Variants in MAEL observed in about 807,000 individuals in gnomAD.
MAEL encodes protein maelstrom homolog.
In MAEL, 46 loss-of-function variants were observed where a neutral mutation model predicts 62.0. That is an observed-to-expected ratio of 0.74 (90% CI 0.59 to 0.95). MAEL has a LOEUF of 0.95. Among genes scored for constraint, MAEL ranks in the 40% least tolerant of loss-of-function variants. The pLI is 0.00. For missense variants in MAEL, 497 were observed against 526.8 expected, an observed-to-expected ratio of 0.94 and a Z score of 0.55; for synonymous variants, 172 against 175.5, an observed-to-expected ratio of 0.98 and a Z score of 0.16.
chr1:167,008,807 TCTTTAAAA>T (rs1361372879), intron 8 of MAEL, among the ~76,000 whole-genome samples: 2 of 152,150 alleles, frequency 1.3e-5, no homozygotes, highest in Non-Finnish European at 2.9e-5. Context: ...AGCCACCATC[TCTTTAAAA>T]CAAGGCTTTT....
intron 3 of MAEL, 147 bp from the exon 4 acceptor site, chr1:166,992,539 G>A (rs1175471502): frequency 9.0e-6 from 5 of 555,768 alleles, no homozygotes. Context: ...CGGCTGATTG[G>A]TTTTCTCTTT....
intron 5 of MAEL, among the ~76,000 whole-genome samples, chr1:167,000,199 C>T (rs1168565942): frequency 6.6e-6 from 1 of 152,060 alleles, no homozygotes; most frequent in African/African-American, 2.4e-5. Context: ...TGAATCTAAG[C>T]AAAGTAAATG....
chr1:166,994,879 A>G (rs1419654453), intron 5 of MAEL, among the ~76,000 whole-genome samples: 1 of 151,712 alleles, frequency 6.6e-6, no homozygotes, highest in Non-Finnish European at 1.5e-5. Flanking sequence ...GATGTTGGCC[A>G]GGATGGTCTC....
At position 167,021,065 on chromosome 1, in the gene MAEL, T is replaced by C. The variant is rs756343980; in HGVS notation, c.1042-20T>C. The C allele has an allele frequency of 5.8e-6, 9 of 1,563,062 alleles. No homozygotes were observed. In the Admixed American group the frequency reaches 6.7e-5, roughly 12 times the overall value. On this transcript the variant is annotated intron_variant, in intron 10 of 11. Transcript: ENST00000367872. Reference sequence around the variant, plus strand: ...AAGAAATAAACATTTTTCCCCCTGGTATTTTCCTGTTACTTACAGAAGCTA... The same window carrying C: ...AAGAAATAAACATTTTTCCCCCTGGCATTTTCCTGTTACTTACAGAAGCTA...
chr1:167,005,641 A>G (rs942761066), intron 8 of MAEL: 7 of 296,520 alleles, frequency 2.4e-5, no homozygotes, highest in Non-Finnish European at 4.3e-5. Context: ...ATGAGAGAAT[A>G]TCCCTAAATT....
At chr1:167,003,415 G>A (rs1235200738) in intron 5 of MAEL, among the ~76,000 whole-genome samples, 2 of 152,150 alleles carry the variant, frequency 1.3e-5, no homozygotes, top group Non-Finnish European at 2.9e-5. Flanking sequence ...GTACCTGATT[G>A]TTCATGGAGT....
At chr1:167,002,585 A>G (rs929455415) in intron 5 of MAEL, among the ~76,000 whole-genome samples, 2 of 152,194 alleles carry the variant, frequency 1.3e-5, no homozygotes, top group African/African-American at 2.4e-5. Flanking sequence ...AGTCACTAGC[A>G]TCTCAGATTA....
chr1:167,006,835 C>T (rs1472325066), intron 8 of MAEL, among the ~76,000 whole-genome samples: 2 of 151,462 alleles, frequency 1.3e-5, no homozygotes, highest in African/African-American at 4.8e-5. Context: ...GTGGTTTCAC[C>T]ATGTTGGCCA....
chr1:167,017,951 C>T lies in MAEL; in HGVS notation c.1033C>T (p.Arg345Cys), dbSNP rs1665464809. Residue 345 changes from arginine to cysteine, a missense_variant, in exon 10 of 12, where the codon CGT becomes TGT. Arg to Cys is a radical substitution (Grantham distance 180, BLOSUM62 -3). Transcript: ENST00000367872. ...TPKMVVLDAG[R>C]YQKLRVGSSG... ...CAAAATGGTTGTATTGGATGCAGGG[C>T]GTTACCAGGTAAGGAACTGACTTTT... The T allele has an allele frequency of 3.1e-6, 5 of 1,612,754 alleles. No homozygotes were observed. The highest frequency in any genetic ancestry group is 1.3e-5 in the African/African-American group (1 of 74,950).
intron 1 of MAEL, among the ~76,000 whole-genome samples, chr1:166,978,477 G>A (rs1050041814): frequency 3.3e-5 from 5 of 152,184 alleles, no homozygotes; most frequent in African/African-American, 9.7e-5. Flanking sequence ...TATTGGTGGT[G>A]GGTGATGGGA....
chr1:167,021,355 T>C (rs1161322224), intron 11 of MAEL, among the ~76,000 whole-genome samples, 195 bp downstream of exon 11: 1 of 152,174 alleles, frequency 6.6e-6, no homozygotes, highest in Non-Finnish European at 1.5e-5. Context: ...TTGGATACAT[T>C]GTAACTTCTC....
At chr1:166,980,122 A>G (rs1414046948) in intron 1 of MAEL, among the ~76,000 whole-genome samples, 3 of 152,140 alleles carry the variant, frequency 2.0e-5, no homozygotes, top group South Asian at 4.2e-4. Context: ...GCTCAATGCT[A>G]TCCTCCTGCC....
At chr1:166,982,709 T>G (rs1663795220) in intron 1 of MAEL, among the ~76,000 whole-genome samples, 1 of 152,162 alleles carries the variant, frequency 6.6e-6, no homozygotes, top group Non-Finnish European at 1.5e-5. Flanking sequence ...TTCCCCCAAT[T>G]TAGACAAAAA....
At chr1:166,986,421 G>A (rs113291876), upstream of MAEL, among the ~76,000 whole-genome samples, 7 of 152,198 alleles carry the variant, frequency 4.6e-5, no homozygotes, top group Non-Finnish European at 7.3e-5. Context: ...GAAGTGGGAC[G>A]GTGGTGCGTG....
intron 5 of MAEL, among the ~76,000 whole-genome samples, chr1:166,997,389 C>G (rs1664475914): frequency 6.6e-6 from 1 of 152,134 alleles, no homozygotes; most frequent in Non-Finnish European, 1.5e-5. Context: ...TCTATTGAAT[C>G]ATTTGTTTTT....
At chr1:166,989,105 A>G (rs1664027155), upstream of MAEL, 1 of 517,534 alleles carries the variant, frequency 1.9e-6, no homozygotes, top group African/African-American at 1.9e-5. Context: ...GCACCCAGCC[A>G]ATCAGAGCAC....
intron 5 of MAEL, among the ~76,000 whole-genome samples, chr1:166,999,956 C>A (rs1218832472): frequency 6.6e-6 from 1 of 151,996 alleles, no homozygotes; most frequent in Non-Finnish European, 1.5e-5. Flanking sequence ...CTGTTGAAAT[C>A]TGCTGCTCAG....
intron 5 of MAEL, among the ~76,000 whole-genome samples, chr1:166,998,051 C>T (rs1664501904): frequency 6.6e-6 from 1 of 152,098 alleles, no homozygotes; most frequent in Non-Finnish European, 1.5e-5. Context: ...TTCTGTTCTA[C>T]TTTTTTGCTG....
intron 5 of MAEL, among the ~76,000 whole-genome samples, chr1:166,996,866 G>A (rs748705998): frequency 3.3e-5 from 5 of 151,926 alleles, no homozygotes; most frequent in East Asian, 1.9e-4. Context: ...TTGCTCCCTC[G>A]CCCAGGCTGG....
Sources: gnomAD v4.1 joint callset for allele counts (sites outside exome capture counted in the v4.1 genomes callset) on GRCh38, gnomAD v4.1.1 for gene constraint, MANE v1.5 for transcripts, NCBI Gene and HGNC (gene_info 2026-07-23, HGNC 2026-07-21) for gene names.